The following PKP4 variants were observed in gnomAD, a reference collection of about 807,000 sequenced individuals.
PKP4 encodes the protein plakophilin 4.
A neutral mutation model predicts 145.1 loss-of-function variants in PKP4; 90 were observed. The observed-to-expected ratio is 0.62, with a 90% CI of 0.52 to 0.74. The LOEUF (loss-of-function observed/expected upper bound fraction) is 0.74, where lower values mean the gene tolerates loss of function less well. Among genes scored for constraint, PKP4 ranks in the 30% least tolerant of loss-of-function variants. The pLI is 0.00. For missense variants in PKP4, 1,340 were observed against 1,482.7 expected (o/e 0.90, Z 1.58); for synonymous variants, 563 against 577.2 (o/e 0.98, Z 0.35).
chr2:158,606,107 C>A (rs922701350), intron 4 of PKP4, among the ~76,000 whole-genome samples: 2 of 152,230 alleles, frequency 1.3e-5, no homozygotes, highest in African/African-American at 4.8e-5. Flanking sequence ...GTTTTCAGTT[C>A]TCTTAAGTAT....
At chr2:158,613,393 C>T (rs2105875428) in intron 4 of PKP4, among the ~76,000 whole-genome samples, 1 of 152,238 alleles carries the variant, frequency 6.6e-6, no homozygotes, top group East Asian at 1.9e-4. Context: ...TTAGAAAAAT[C>T]ACTAGTTTGC....
intron 1 of PKP4, among the ~76,000 whole-genome samples, chr2:158,520,373 A>G (rs2042270314): frequency 1.3e-5 from 2 of 152,226 alleles, no homozygotes; most frequent in African/African-American, 4.8e-5. Context: ...CCTTCTAGGC[A>G]TTTATACATC....
At chr2:158,502,538 T>TTCTCATCACC (rs1256792677) in intron 1 of PKP4, among the ~76,000 whole-genome samples, 4 of 152,222 alleles carry the variant, frequency 2.6e-5, no homozygotes, top group African/African-American at 9.6e-5. Context: ...GTGAAGTGTC[T>TTCTCATCACC]TCTCATCACC....
chr2:158,513,094 A>G (rs149156814), intron 1 of PKP4, among the ~76,000 whole-genome samples: 83 of 152,240 alleles, frequency 5.5e-4, no homozygotes, highest in African/African-American at 1.9e-3. Flanking sequence ...CATACTAACT[A>G]TCCTCTTCTC....
In PKP4 at chr2:158,621,117, T is replaced by G. The variant is rs1205169864; in HGVS notation, c.408T>G (p.Ser136Arg). 6.2e-7 allele frequency: 1 copy of G among 1,614,132 alleles called. No homozygotes were observed. Among genetic ancestry groups the G allele is most frequent in the Non-Finnish European group, 8.5e-7 (1 of 1,179,990 alleles). The change falls in exon 5 of 22, where the codon AGT (serine) becomes AGG (arginine). Residue 136 changes from serine (S) to arginine (R), a missense_variant. Physicochemically the swap from Ser to Arg is moderately radical, Grantham distance 110. Transcript: ENST00000389759. ...YSPEQTSLHESEGSLGNSRSS... is the reference protein window; with the variant it reads ...YSPEQTSLHEREGSLGNSRSS... Reference sequence around the variant, plus strand: ...CAGAACAGACATCTCTCCATGAAAGTGAGGGTCTGTTGTGTTATCTTTTAA... The same window carrying G: ...CAGAACAGACATCTCTCCATGAAAGGGAGGGTCTGTTGTGTTATCTTTTAA...
At chr2:158,502,457 A>C (rs1559233074) in intron 1 of PKP4, among the ~76,000 whole-genome samples, 1 of 152,170 alleles carries the variant, frequency 6.6e-6, no homozygotes, top group Non-Finnish European at 1.5e-5. Context: ...TGTCTCTCAA[A>C]TCCATTTGAG....
At chr2:158,636,310 AG>A (rs2053805195) in intron 9 of PKP4, among the ~76,000 whole-genome samples, 1 of 151,884 alleles carries the variant, frequency 6.6e-6, no homozygotes, top group Non-Finnish European at 1.5e-5. Context: ...CAGGATTTAC[AG>A]GTGTGCATTT....
intron 19 of PKP4, among the ~76,000 whole-genome samples, chr2:158,675,449 A>G (rs1464509446): frequency 6.6e-6 from 1 of 152,186 alleles, no homozygotes; most frequent in Admixed American, 6.5e-5. Context: ...ATTAGCACAT[A>G]GTTACTGAAT....
chr2:158,576,755 A>G (rs2047887147), intron 2 of PKP4, among the ~76,000 whole-genome samples: 1 of 152,188 alleles, frequency 6.6e-6, no homozygotes, highest in Non-Finnish European at 1.5e-5. Flanking sequence ...TGGTTATATT[A>G]TAGATAAATA....
rs148896039 is a variant in PKP4 at position 158,600,249 on chromosome 2, A to G, written c.246-2821A>G. ...GTTATTAACGTATTAAATTATGAAT[A>G]TATCTTCCCATTGAAACAAAGTTAT... is the stretch of plus-strand genomic sequence containing the variant. On this transcript the variant is annotated intron_variant, in intron 3 of 21. Coordinates refer to ENST00000389759, the MANE Select transcript of PKP4 (RefSeq NM_003628.6). 1.6e-4 allele frequency among the ~76,000 whole-genome samples: 25 copies of G among 152,344 alleles called. No individual in the cohort carries two copies. The East Asian group carries it at 4.2e-3, about 26-fold the overall frequency.
At chr2:158,609,315 A>G (rs1199683798) in intron 4 of PKP4, among the ~76,000 whole-genome samples, 1 of 152,218 alleles carries the variant, frequency 6.6e-6, no homozygotes, top group South Asian at 2.1e-4. Context: ...TACTCAGAAT[A>G]AATGAGGAGT....
At chr2:158,619,945 GCA>G (rs1336419578) in intron 4 of PKP4, among the ~76,000 whole-genome samples, 2 of 46,392 alleles carry the variant, frequency 4.3e-5, no homozygotes, top group African/African-American at 1.0e-4. Context: ...ACACACACAC[GCA>G]CACACACACC....
chr2:158,501,665 T>C (rs1187434282), intron 1 of PKP4, among the ~76,000 whole-genome samples: 1 of 134,498 alleles, frequency 7.4e-6, no homozygotes, highest in Non-Finnish European at 1.7e-5. Context: ...GTTAAGTGTT[T>C]TGTTGAAGAG....
Position 158,631,840 on chromosome 2 carries a change from T to C in PKP4, c.1241T>C (p.Ile414Thr). The C allele has an allele frequency of 6.2e-7, 1 of 1,614,078 alleles. No homozygotes were observed. The highest frequency in any genetic ancestry group is 1.1e-5 in the South Asian group (1 of 91,086). ...TCTCCCGACTTGCACATTACTCCTA[T>C]ATATGAGGGGAGGACCTATTACAGC... ...AVSPDLHITP[I>T]YEGRTYYSPV... The change falls in exon 8 of 22, where the codon ATA (isoleucine) becomes ACA (threonine). Residue 414 changes from isoleucine (I) to threonine (T), a missense_variant. Transcript: ENST00000389759.
intron 2 of PKP4, among the ~76,000 whole-genome samples, chr2:158,554,242 A>G (rs2045880157): frequency 6.6e-6 from 1 of 151,978 alleles, no homozygotes; most frequent in African/African-American, 2.4e-5. Context: ...CACCTTCTCC[A>G]GTTCACCTCC....
intron 1 of PKP4, among the ~76,000 whole-genome samples, chr2:158,504,940 C>A (rs1417182221): frequency 6.6e-6 from 1 of 152,134 alleles, no homozygotes; most frequent in Non-Finnish European, 1.5e-5. Context: ...ATAAGAGTTA[C>A]GGTAGATTGC....
At chr2:158,507,662 C>A (rs1278843028) in intron 1 of PKP4, among the ~76,000 whole-genome samples, 2 of 152,014 alleles carry the variant, frequency 1.3e-5, no homozygotes, top group Admixed American at 1.3e-4. Flanking sequence ...CTTTTGTGAC[C>A]ATCACATTAC....
At chr2:158,462,330 G>A (rs958103751) in intron 1 of PKP4, among the ~76,000 whole-genome samples, 1 of 151,214 alleles carries the variant, frequency 6.6e-6, no homozygotes, top group Admixed American at 6.6e-5. Flanking sequence ...TTATATTTTA[G>A]CTCAAGATTC....
At chr2:158,650,046 T>G (rs2105949665) in intron 11 of PKP4, among the ~76,000 whole-genome samples, 1 of 152,342 alleles carries the variant, frequency 6.6e-6, no homozygotes, top group Non-Finnish European at 1.5e-5. Context: ...ATCTCTATGA[T>G]AGTGTAACTG....
Sources: gnomAD v4.1 joint callset for allele counts (sites outside exome capture counted in the v4.1 genomes callset) on GRCh38, gnomAD v4.1.1 for gene constraint, MANE v1.5 for transcripts, NCBI Gene and HGNC (gene_info 2026-07-23, HGNC 2026-07-21) for gene names.